The following ANO2 variants were observed in gnomAD, a reference collection of about 807,000 sequenced individuals.
ANO2 encodes anoctamin-2.
ANO2 carries 101 observed loss-of-function variants against 124.2 expected under a neutral mutation model. That is an observed-to-expected ratio of 0.81 (90% CI 0.69 to 0.96). The LOEUF is 0.96. Ranked by LOEUF, ANO2 falls within the 40% of genes least tolerant of loss-of-function variation. ANO2 has a pLI of 0.00. For synonymous variants in ANO2, 486 were observed against 482.5 expected (o/e 1.01, Z -0.09); for missense variants, 1,293 against 1,274.5 (o/e 1.01, Z -0.22).
At chr12:5,828,218 T>G (rs7310673) in intron 6 of ANO2, among the ~76,000 whole-genome samples, 112,368 of 151,622 alleles carry the variant, frequency 0.74, 42,471 homozygotes, top group East Asian at 0.97. Flanking sequence ...TCGGGGAACC[T>G]CAGGGAAGGC....
chr12:5,655,209 C>T lies in ANO2; in HGVS notation c.1546-7408G>A, dbSNP rs113327893. Among the ~76,000 whole-genome samples, 366 of 152,336 alleles carry T rather than the reference C, an allele frequency of 2.4e-3. 3 individuals carry two copies. The highest frequency in any genetic ancestry group is 8.4e-3 in the African/African-American group (350 of 41,582). On this transcript the variant is annotated intron_variant, in intron 14 of 24. Transcript: ENST00000682330. ...CTTTTGCCACCTACAATTTTATCTT[C>T]GTTTTTTCACATCTGACCTTTCTGT...
chr12:5,867,791 A>C (rs1955468190), intron 3 of ANO2, among the ~76,000 whole-genome samples: 1 of 151,274 alleles, frequency 6.6e-6, no homozygotes, highest in Middle Eastern at 3.4e-3. Flanking sequence ...AAAAAAAAAA[A>C]AAAAAAAAAC....
chr12:5,571,501 T>C (rs1942117404), intron 23 of ANO2, among the ~76,000 whole-genome samples: 1 of 152,196 alleles, frequency 6.6e-6, no homozygotes, highest in African/African-American at 2.4e-5. Flanking sequence ...TGACCACATT[T>C]ATCTCCAGAG....
At chr12:5,877,432 A>T (rs1228974224) in intron 3 of ANO2, among the ~76,000 whole-genome samples, 2 of 152,168 alleles carry the variant, frequency 1.3e-5, no homozygotes, top group African/African-American at 4.8e-5. Context: ...TTGTTCTGGG[A>T]GTCTTAAGAG....
chr12:5,567,982 A>AT (rs555882356), intron 23 of ANO2, among the ~76,000 whole-genome samples: 177 of 152,312 alleles, frequency 1.2e-3, no homozygotes, highest in African/African-American at 3.7e-3. Flanking sequence ...TAACTTTATA[A>AT]AAACTATGAC....
In ANO2 at chr12:5,635,014, T is replaced by G; in HGVS notation, c.1816+138A>C. The G allele has an allele frequency of 1.4e-6, 1 of 737,168 alleles. No homozygotes were observed. The highest frequency in any genetic ancestry group is 2.0e-6 in the Non-Finnish European group (1 of 490,082). 45.7% of individuals were successfully genotyped at this position (737,168 alleles called of 1,614,324 possible). A position where few individuals can be genotyped will look rare whatever the true frequency, so the allele number is the denominator to read the frequency against. Reference sequence around the variant, plus strand: ...CCCTACAAATACACACACGTTGCACTTCCCCATTTCTCTAATTAAAATGCA... The same window carrying G: ...CCCTACAAATACACACACGTTGCACGTCCCCATTTCTCTAATTAAAATGCA... On this transcript the variant is annotated intron_variant, in intron 16 of 24. Coordinates refer to ENST00000682330, the MANE Select transcript of ANO2 (RefSeq NM_001364791.2). The surrounding 1 kb of genome is among the most constrained non-coding windows in gnomAD (Gnocchi z 5.2).
At chr12:5,660,267 C>T (rs1947371974) in intron 14 of ANO2, among the ~76,000 whole-genome samples, 2 of 151,798 alleles carry the variant, frequency 1.3e-5, no homozygotes, top group African/African-American at 4.9e-5. Flanking sequence ...ATACGAACAT[C>T]TTAAGCCAAA....
intron 1 of ANO2, among the ~76,000 whole-genome samples, chr12:5,932,796 A>G (rs537762958): frequency 3.0e-4 from 46 of 152,278 alleles, no homozygotes; most frequent in Non-Finnish European, 4.7e-4. Flanking sequence ...AGGAGAGTCA[A>G]CATGAAAGTA....
intron 18 of ANO2, 72 bp downstream of exon 18, chr12:5,612,829 C>T (rs560349822): frequency 6.2e-7 from 1 of 1,609,324 alleles, no homozygotes; most frequent in African/African-American, 1.3e-5. Flanking sequence ...GCGAATGAAG[C>T]CATGCTGTGC....
chr12:5,808,214 T>C (rs976865009), intron 7 of ANO2, among the ~76,000 whole-genome samples: 60 of 152,356 alleles, frequency 3.9e-4, no homozygotes, highest in African/African-American at 1.4e-3. Flanking sequence ...GGGATTTATG[T>C]TTTAATTCCA....
At chr12:5,704,452 A>G (rs1315836645) in intron 14 of ANO2, among the ~76,000 whole-genome samples, 1 of 152,184 alleles carries the variant, frequency 6.6e-6, no homozygotes, top group Admixed American at 6.5e-5. Flanking sequence ...TTTTTATAAC[A>G]ATCCTGTCAT....
At chr12:5,818,776 A>G (rs897762405) in intron 7 of ANO2, among the ~76,000 whole-genome samples, 1 of 152,128 alleles carries the variant, frequency 6.6e-6, no homozygotes, top group African/African-American at 2.4e-5. Flanking sequence ...TTCACTGCTC[A>G]TGACAGGCAA....
chr12:5,840,829 C>T (rs1321988416), intron 4 of ANO2, among the ~76,000 whole-genome samples: 1 of 152,168 alleles, frequency 6.6e-6, no homozygotes. Flanking sequence ...GCTCCTCCTC[C>T]AGTCGCTGGA....
chr12:5,860,771 C>T (rs1955244128), intron 3 of ANO2, among the ~76,000 whole-genome samples: 1 of 152,190 alleles, frequency 6.6e-6, no homozygotes. Flanking sequence ...ACCACATTTG[C>T]AGACCGCCGT....
intron 3 of ANO2, among the ~76,000 whole-genome samples, chr12:5,906,345 G>C (rs79568493): frequency 3.5e-5 from 4 of 115,038 alleles, no homozygotes. Flanking sequence ...GTCACACATT[G>C]TTAAAAAAAA....
At chr12:5,627,918 T>C (rs1945498032) in intron 16 of ANO2, among the ~76,000 whole-genome samples, 1 of 150,780 alleles carries the variant, frequency 6.6e-6, no homozygotes, top group South Asian at 2.1e-4. Context: ...CAAAATGAGA[T>C]CCCCTTCTCT....
At chr12:5,849,433 C>A (rs895104690) in intron 4 of ANO2, among the ~76,000 whole-genome samples, 1 of 152,194 alleles carries the variant, frequency 6.6e-6, no homozygotes, top group African/African-American at 2.4e-5. Context: ...CTAGAAGAGC[C>A]ATCTTGGTAA....
intron 4 of ANO2, among the ~76,000 whole-genome samples, chr12:5,832,837 A>G (rs1954198975): frequency 6.6e-6 from 1 of 152,154 alleles, no homozygotes; most frequent in Non-Finnish European, 1.5e-5. Flanking sequence ...GTGTAGAGAA[A>G]TAAGTGAGGA....
chr12:5,707,600 C>T (rs1166617736), intron 14 of ANO2, among the ~76,000 whole-genome samples: 1 of 152,144 alleles, frequency 6.6e-6, no homozygotes, highest in African/African-American at 2.4e-5. Flanking sequence ...GAAGTCCTCT[C>T]CAGATCTAAT....
Sources: allele counts gnomAD v4.1 joint callset (sites outside exome capture counted in the v4.1 genomes callset), GRCh38; gene constraint gnomAD v4.1.1; non-coding constraint Gnocchi (gnomAD v3.1); transcripts MANE v1.5; gene names NCBI Gene and HGNC (gene_info 2026-07-23, HGNC 2026-07-21).